Variants in ERMP1 observed in about 807,000 individuals in gnomAD.
ERMP1 encodes Felix-ina.
Under a neutral mutation model 92.0 loss-of-function variants are expected in ERMP1, and 86 were observed. The observed-to-expected ratio is 0.93, with a 90% CI of 0.79 to 1.12. ERMP1 has a LOEUF of 1.12. ERMP1 is among the 50% of genes most tolerant of loss of function. The pLI is 0.00. For synonymous variants in ERMP1, 530 were observed against 412.8 expected (o/e 1.28, Z -3.44); for missense variants, 1,342 against 1,116.3 (o/e 1.20, Z -2.88).
intron 6 of ERMP1, among the ~76,000 whole-genome samples, chr9:5,855,320 A>G (rs1247910388): frequency 6.6e-6 from 1 of 152,220 alleles, no homozygotes; most frequent in African/African-American, 2.4e-5. Flanking sequence ...CAGACCACTG[A>G]GAGCAATTAG....
In ERMP1 at chr9:5,811,323, C is replaced by G. The variant is rs1392728978; in HGVS notation, c.1115G>C (p.Gly372Ala). 6.3e-7 allele frequency: 1 copy of G among 1,575,858 alleles called. No individual in the cohort carries two copies. Among genetic ancestry groups the G allele is most frequent in the Non-Finnish European group, 8.6e-7 (1 of 1,165,086 alleles). The stretch of plus-strand genomic sequence containing the variant: ...CTTAAGAACTGCTAAAATGTTGTCA[C>G]CTATTAGTAAAAACAAAAAAAAAAA... The part of the protein sequence containing the change: ...RILTDSIQRA[G>A]DNILAVLKHL... The change falls in exon 7 of 15, where the codon GGT becomes GCT. Residue 372 changes from glycine (G) to alanine (A), a missense_variant and splice_region_variant. Physicochemically the swap from Gly to Ala is moderately conservative, Grantham distance 60. Coordinates refer to ENST00000339450, the MANE Select transcript of ERMP1 (RefSeq NM_024896.3).
chr9:5,862,940 A>C (rs1830547192), intron 5 of ERMP1, among the ~76,000 whole-genome samples: 1 of 152,236 alleles, frequency 6.6e-6, no homozygotes, highest in African/African-American at 2.4e-5. Flanking sequence ...GTGTTAATGG[A>C]GCAGACAGAG....
intron 12 of ERMP1, among the ~76,000 whole-genome samples, chr9:5,798,244 T>A (rs1472861810): frequency 6.6e-6 from 1 of 152,092 alleles, no homozygotes; most frequent in Non-Finnish European, 1.5e-5. Context: ...GAGACAGAGT[T>A]TTGCTGTTGT....
At chr9:5,787,730 T>C (rs1056822321) in intron 13 of ERMP1, 137 bp from the exon 14 acceptor site, 2 of 809,754 alleles carry the variant, frequency 2.5e-6, no homozygotes, top group South Asian at 3.9e-5. Context: ...AATGGAGGTT[T>C]ACCAGTTTGG....
upstream of ERMP1, among the ~76,000 whole-genome samples, chr9:5,835,309 T>G (rs1830078394): frequency 6.6e-6 from 1 of 152,084 alleles, no homozygotes; most frequent in South Asian, 2.1e-4. Flanking sequence ...AATCAATGTT[T>G]CTACCTTCAG....
At chr9:5,822,961 T>C (rs1396647216) in intron 4 of ERMP1, among the ~76,000 whole-genome samples, 1 of 152,196 alleles carries the variant, frequency 6.6e-6, no homozygotes, top group African/African-American at 2.4e-5. Flanking sequence ...TAAGTTGATA[T>C]CCTTAGAAAA....
At chr9:5,824,687 C>T (rs924221029) in intron 3 of ERMP1, among the ~76,000 whole-genome samples, 6 of 152,068 alleles carry the variant, frequency 3.9e-5, no homozygotes, top group African/African-American at 1.4e-4. Context: ...AGGCATGAGC[C>T]AGCGTGCCTG....
chr9:5,810,981 C>A (rs1410126621), intron 7 of ERMP1, 130 bp downstream of exon 7: 3 of 574,314 alleles, frequency 5.2e-6, no homozygotes, highest in African/African-American at 1.9e-5. Context: ...TTAAAAATTT[C>A]TTACAATATA....
chr9:5,856,827 A>C (rs1218235992), intron 6 of ERMP1, among the ~76,000 whole-genome samples: 6 of 152,150 alleles, frequency 3.9e-5, no homozygotes, highest in African/African-American at 4.8e-5. Context: ...TTTTGAACTC[A>C]CGCCCAACAG....
At chr9:5,830,659 C>T in intron 2 of ERMP1, 68 bp downstream of exon 2, 1 of 1,333,218 alleles carries the variant, frequency 7.5e-7, no homozygotes, top group East Asian at 2.3e-5. Flanking sequence ...GCCCAAGTAG[C>T]TTGGGGTTAT....
At chr9:5,853,862 C>T (rs186264128) in intron 6 of ERMP1, among the ~76,000 whole-genome samples, 4 of 151,174 alleles carry the variant, frequency 2.6e-5, no homozygotes, top group African/African-American at 9.8e-5. Context: ...TGGTCAGAGA[C>T]ACCCTGAGTA....
intron 13 of ERMP1, among the ~76,000 whole-genome samples, chr9:5,795,278 T>C (rs1286956375): frequency 1.3e-5 from 2 of 152,118 alleles, no homozygotes; most frequent in Non-Finnish European, 2.9e-5. Context: ...AAAAAACGTA[T>C]AGCTAACAAC....
At position 5,847,593 on chromosome 9, in the gene ERMP1, T is replaced by C. The variant is rs558554436; in HGVS notation, n.3199+11875A>G. On this transcript the variant is annotated intron_variant and non_coding_transcript_variant, in intron 6 of 6. Transcript: ENST00000690753. ...TTTGTTCCTTCTCTTAGGAATAACA[T>C]GTACAAAACAAAACAAAATCGGCCA... 6.6e-5 allele frequency among the ~76,000 whole-genome samples: 10 copies of C among 151,312 alleles called. No individual in the cohort carries two copies. In the South Asian group the frequency reaches 1.9e-3, roughly 29 times the overall value.
chr9:5,817,168 G>T (rs960262597), intron 4 of ERMP1, among the ~76,000 whole-genome samples: 2 of 151,932 alleles, frequency 1.3e-5, no homozygotes, highest in African/African-American at 4.8e-5. Context: ...AAAGTGCTGG[G>T]ATTACAGGCA....
intron 4 of ERMP1, among the ~76,000 whole-genome samples, chr9:5,820,164 T>C (rs940810943): frequency 2.0e-5 from 3 of 151,980 alleles, no homozygotes; most frequent in Admixed American, 6.6e-5. Flanking sequence ...CCAGGCATGG[T>C]GTCACACACC....
chr9:5,812,686 T>C (rs1829141763), intron 5 of ERMP1: 6 of 616,384 alleles, frequency 9.7e-6, no homozygotes, highest in Admixed American at 2.6e-5. Flanking sequence ...TGGGGAAAGA[T>C]GACATATTTT....
chr9:5,798,361 C>T (rs1255058363), intron 12 of ERMP1, among the ~76,000 whole-genome samples: 4 of 152,112 alleles, frequency 2.6e-5, no homozygotes, highest in Non-Finnish European at 4.4e-5. Context: ...GGATTACAGG[C>T]ATGCACCACC....
chr9:5,834,705 G>A (rs868752954), upstream of ERMP1, among the ~76,000 whole-genome samples: 11 of 131,952 alleles, frequency 8.3e-5, no homozygotes, highest in African/African-American at 2.5e-4. Context: ...ATGTATATAT[G>A]TGTGTGTGTG....
Position 5,810,213 on chromosome 9 carries a change from T to C in ERMP1, c.1346A>G (p.Asp449Gly). The C allele has an allele frequency of 1.2e-6, 2 of 1,612,770 alleles. No homozygotes were observed. The highest frequency in any genetic ancestry group is 1.1e-5 in the South Asian group (1 of 91,030). The change falls in exon 8 of 15, where the codon GAC becomes GGC. Residue 449 changes from aspartate to glycine, a missense_variant. Transcript: ENST00000339450. ...PKHKTGNYKK[D>G]FLCGLGITLI... is the part of the protein sequence containing the mutation. ...AGTGATGCCAAGTCCACACAAGAAG[T>C]CCTTCTTGTAGTTACCAGCTAATGA...
Sources: gnomAD v4.1 joint callset for allele counts (sites outside exome capture counted in the v4.1 genomes callset) on GRCh38, gnomAD v4.1.1 for gene constraint, MANE v1.5 for transcripts, NCBI Gene and HGNC (gene_info 2026-07-23, HGNC 2026-07-21) for gene names.